The following GPSM1 variants were observed in gnomAD, a reference collection of about 807,000 sequenced individuals.
The protein encoded by GPSM1 is G protein-signaling modulator 1.
GPSM1 carries 48 observed loss-of-function variants against 70.5 expected under a neutral mutation model. The ratio of observed to expected loss-of-function variants is 0.68; its 90% CI spans 0.54 to 0.87. The LOEUF (loss-of-function observed/expected upper bound fraction) is 0.87. GPSM1 is among the 40% of genes least tolerant of loss of function. GPSM1 has a pLI of 0.00. For missense variants in GPSM1, 981 were observed against 972.6 expected, an observed-to-expected ratio of 1.01 and a Z score of -0.11; for synonymous variants, 416 against 430.1, an observed-to-expected ratio of 0.97 and a Z score of 0.41.
At chr9:136,330,019 G>A (rs1488677580) in intron 1 of GPSM1, among the ~76,000 whole-genome samples, 2 of 152,082 alleles carry the variant, frequency 1.3e-5, no homozygotes, top group African/African-American at 2.4e-5. Flanking sequence ...AGGGCCCTGG[G>A]TGCTACAGTT....
chr9:136,349,581 C>G lies in GPSM1; in HGVS notation c.1279-6C>G, dbSNP rs1379821091. The stretch of plus-strand genomic sequence containing the variant: ...CCAGGCCACGCACAGCCTTACCCCT[C>G]CCCAGGAGCAGAATGGAGACAGCCA... On this transcript the variant is annotated splice_region_variant and splice_polypyrimidine_tract_variant and intron_variant, in intron 10 of 13. Transcript: ENST00000440944. 1.6e-5 allele frequency: 25 copies of G among 1,549,476 alleles called. No individual in the cohort carries two copies. The highest frequency in any genetic ancestry group is 2.0e-5 in the Non-Finnish European group (23 of 1,146,372).
chr9:136,356,993 G>A (rs1832849190), intron 13 of GPSM1, among the ~76,000 whole-genome samples: 1 of 152,198 alleles, frequency 6.6e-6, no homozygotes, highest in Non-Finnish European at 1.5e-5. Flanking sequence ...ACAAAAACAG[G>A]GACCATCCAG....
Position 136,340,975 on chromosome 9 carries a change from G to T in GPSM1, c.1189G>T (p.Ala397Ser). ...SPAASEKPDL[A>S]GYEAQGARPK... ...GGCAGCCTCAGAGAAGCCTGACCTG[G>T]CCGGCTATGAGGCCCAGGGTGAGTT... Residue 397 changes from alanine to serine, a missense_variant, in exon 9 of 14, where the codon GCC (alanine) becomes TCC (serine). By Grantham distance (99) the Ala-to-Ser change is moderately conservative (BLOSUM62 1). Transcript: ENST00000440944. This position sits in a 1 kb window ranked among gnomAD's most constrained non-coding sequence, Gnocchi z 7.3. 1 of 1,564,500 alleles carries T rather than the reference G, an allele frequency of 6.4e-7. No individual in the cohort carries two copies. The highest frequency in any genetic ancestry group is 1.2e-5 in the South Asian group (1 of 85,040).
At chr9:136,349,513 T>C in intron 10 of GPSM1, 74 bp from the exon 11 acceptor site, 1 of 1,359,310 alleles carries the variant, frequency 7.4e-7, no homozygotes, top group Non-Finnish European at 1.0e-6. Flanking sequence ...CGGCCTGGCC[T>C]TCCCTTCAGG....
rs1042287151 is a variant in GPSM1, at chr9:136,354,941, A to G, written c.1456-749A>G. 5.8e-6 allele frequency: 6 copies of G among 1,032,216 alleles called. No homozygotes were observed. The East Asian group carries it at 4.5e-4, about 77-fold the overall frequency. 63.9% of individuals were successfully genotyped at this position (1,032,216 alleles called of 1,614,324 possible). On this transcript the variant is annotated intron_variant, in intron 11 of 13. Transcript: ENST00000440944. ...AGGCCAAGGCTGGGGAGGCTGGCCC[A>G]GGGCAGGTGACGGACAGAGGCCTGG... is the stretch of plus-strand genomic sequence containing the variant.
chr9:136,328,454 C>T (rs1463736711), intron 1 of GPSM1, among the ~76,000 whole-genome samples: 1 of 152,206 alleles, frequency 6.6e-6, no homozygotes, highest in African/African-American at 2.4e-5. Flanking sequence ...AGCGTGAGGT[C>T]CAGGCAGGGG....
chr9:136,357,023 A>T (rs1832849720), intron 13 of GPSM1, among the ~76,000 whole-genome samples: 1 of 152,194 alleles, frequency 6.6e-6, no homozygotes. Context: ...AGTGGACGGC[A>T]TGGGCGGAGG....
chr9:136,341,294 G>C lies in GPSM1; in HGVS notation c.1207+301G>C, dbSNP rs542863799. ...ACCCCCACCTCCCCCTGGAGCCCTC[G>C]GTGCAGGGAGGGCTTCTGTCCTCAG... On this transcript the variant is annotated intron_variant, in intron 9 of 13. Transcript: ENST00000440944. The surrounding 1 kb of genome is among the most constrained non-coding windows in gnomAD (Gnocchi z 6.7). 16 of 1,455,382 alleles carry C rather than the reference G, an allele frequency of 1.1e-5. No homozygotes were observed. The highest frequency in any genetic ancestry group is 1.2e-5 in the Non-Finnish European group (13 of 1,105,482). 90.2% of individuals were successfully genotyped at this position (1,455,382 alleles called of 1,614,324 possible).
intron 4 of GPSM1, 101 bp downstream of exon 4, chr9:136,337,173 C>CA (rs1832262026): frequency 8.5e-7 from 1 of 1,179,670 alleles, no homozygotes; most frequent in Non-Finnish European, 1.2e-6. Context: ...TACCTCCCGA[C>CA]AGCTCCCAGG....
At position 136,346,658 on chromosome 9, in the gene GPSM1, T is replaced by G. The variant is rs543757271; in HGVS notation, c.1208-2039T>G. Among the ~76,000 whole-genome samples the G allele has an allele frequency of 3.3e-5, 5 of 152,282 alleles. No homozygotes were observed. The South Asian group carries it at 1.0e-3, about 32-fold the overall frequency. ...CCAGCAAGACCCAGGCCTGTTCTCA[T>G]CCGCAGCATGGGCCTGTAAGGGAGA... On this transcript the variant is annotated intron_variant, in intron 9 of 13. Coordinates refer to ENST00000440944, the MANE Select transcript of GPSM1 (RefSeq NM_001145638.3).
At chr9:136,357,612 T>C (rs1832867751) in intron 13 of GPSM1, among the ~76,000 whole-genome samples, 1 of 152,222 alleles carries the variant, frequency 6.6e-6, no homozygotes, top group African/African-American at 2.4e-5. Flanking sequence ...CCAGGGTCAG[T>C]CCCAGGCTGT....
intron 2 of GPSM1, among the ~76,000 whole-genome samples, chr9:136,335,181 G>A (rs1482405389): frequency 6.6e-6 from 1 of 152,038 alleles, no homozygotes; most frequent in Non-Finnish European, 1.5e-5. Flanking sequence ...CTGGCCCCAG[G>A]CCCCAGGCCC....
chr9:136,341,448 C>A lies in GPSM1; in HGVS notation c.1207+455C>A. 1.5e-6 allele frequency: 2 copies of A among 1,370,182 alleles called. No individual in the cohort carries two copies. The highest frequency in any genetic ancestry group is 1.9e-6 in the Non-Finnish European group (2 of 1,064,412). 84.9% of individuals were successfully genotyped at this position (1,370,182 alleles called of 1,614,324 possible). A position where few individuals can be genotyped will look rare whatever the true frequency, so the allele number is the denominator to read the frequency against. On this transcript the variant is annotated intron_variant, in intron 9 of 13. Coordinates refer to ENST00000440944, the MANE Select transcript of GPSM1 (RefSeq NM_001145638.3). This position sits in a 1 kb window ranked among gnomAD's most constrained non-coding sequence, Gnocchi z 6.7. Reference sequence around the variant, plus strand: ...TAATCAGGCAAGGCCCAAGGCCATGCGAGGCCACCGTGGTGACCTCATTCA... The same window carrying A: ...TAATCAGGCAAGGCCCAAGGCCATGAGAGGCCACCGTGGTGACCTCATTCA...
intron 1 of GPSM1, among the ~76,000 whole-genome samples, chr9:136,333,121 A>G (rs1169314617): frequency 6.6e-6 from 1 of 152,198 alleles, no homozygotes. Flanking sequence ...CCCTTCCCCC[A>G]CTTCTCTGAA....
chr9:136,337,969 G>A lies in GPSM1; in HGVS notation c.818+8G>A. 2 of 1,572,908 alleles carry A rather than the reference G, an allele frequency of 1.3e-6. No homozygotes were observed. Among genetic ancestry groups the A allele is most frequent in the African/African-American group, 1.3e-5 (1 of 74,352 alleles). On this transcript the variant is annotated splice_region_variant and intron_variant, in intron 6 of 13. Coordinates refer to ENST00000440944, the MANE Select transcript of GPSM1 (RefSeq NM_001145638.3). ...GGCCGCCGAGTACTACAAGTAGGTG[G>A]TCCCCACAATCTCCCAGGGAGACAG... is the stretch of plus-strand genomic sequence containing the variant.
intron 11 of GPSM1, among the ~76,000 whole-genome samples, chr9:136,352,848 G>C (rs73670231): frequency 6.6e-6 from 1 of 152,266 alleles, no homozygotes; most frequent in Non-Finnish European, 1.5e-5. Flanking sequence ...GGCACGGGGA[G>C]GGGGAGGTTC....
intron 9 of GPSM1, among the ~76,000 whole-genome samples, chr9:136,344,511 G>A (rs540961454): frequency 3.9e-5 from 6 of 152,298 alleles, no homozygotes; most frequent in Admixed American, 3.3e-4. Flanking sequence ...GAGGAAGAAG[G>A]GGGAGCTTGA....
intron 9 of GPSM1, among the ~76,000 whole-genome samples, chr9:136,346,416 A>C (rs539027318): frequency 1.3e-5 from 2 of 152,310 alleles, no homozygotes; most frequent in South Asian, 4.1e-4. Context: ...TCACATGGAC[A>C]GACTCAGGAA....
At chr9:136,350,703 G>A (rs573460097) in intron 11 of GPSM1, among the ~76,000 whole-genome samples, 2 of 152,208 alleles carry the variant, frequency 1.3e-5, no homozygotes, top group Admixed American at 6.5e-5. Flanking sequence ...TCAAGGTCAC[G>A]AGTGGAGCAG....
Sources: allele counts gnomAD v4.1 joint callset (sites outside exome capture counted in the v4.1 genomes callset), GRCh38; gene constraint gnomAD v4.1.1; non-coding constraint Gnocchi (gnomAD v3.1); transcripts MANE v1.5; gene names NCBI Gene and HGNC (gene_info 2026-07-23, HGNC 2026-07-21).